Variants in TSPAN9 observed in about 807,000 individuals in gnomAD.
The protein encoded by TSPAN9 is tetraspanin 9.
In TSPAN9, 16 loss-of-function variants were observed where a neutral mutation model predicts 31.0. The observed-to-expected ratio is 0.52, with a 90% CI of 0.35 to 0.78. The LOEUF (loss-of-function observed/expected upper bound fraction) is 0.78. Ranked by LOEUF, TSPAN9 falls within the 30% of genes least tolerant of loss-of-function variation. TSPAN9 has a pLI of 0.01. For synonymous variants in TSPAN9, 145 were observed against 121.6 expected (o/e 1.19, Z -1.27); for missense variants, 272 against 312.5 (o/e 0.87, Z 0.98).
At chr12:3,091,899 C>T (rs1033322429) in intron 2 of TSPAN9, among the ~76,000 whole-genome samples, 2 of 152,136 alleles carry the variant, frequency 1.3e-5, no homozygotes, top group Non-Finnish European at 2.9e-5. Context: ...ACTGCAGCAC[C>T]CTTGGGAGCT....
At chr12:3,160,075 C>T (rs1565597239) in intron 2 of TSPAN9, among the ~76,000 whole-genome samples, 1 of 152,220 alleles carries the variant, frequency 6.6e-6, no homozygotes, top group Admixed American at 6.5e-5. Context: ...GGAAGCCATT[C>T]TCTATATCCT....
chr12:3,225,925 C>T (rs531650095), intron 3 of TSPAN9, among the ~76,000 whole-genome samples: 1 of 152,208 alleles, frequency 6.6e-6, no homozygotes, highest in South Asian at 2.1e-4. Context: ...ACACATTCTA[C>T]CTGCTGGGCC....
chr12:3,188,458 C>G (rs1020895260), intron 2 of TSPAN9, among the ~76,000 whole-genome samples: 1 of 152,076 alleles, frequency 6.6e-6, no homozygotes, highest in South Asian at 2.1e-4. Flanking sequence ...AGTCAGGTAC[C>G]CGGGCCTGGG....
intron 3 of TSPAN9, among the ~76,000 whole-genome samples, chr12:3,215,584 G>T (rs188993807): frequency 6.6e-6 from 1 of 152,354 alleles, no homozygotes; most frequent in East Asian, 1.9e-4. Context: ...GCTGTGCAAT[G>T]ATTTGTTCCC....
chr12:3,179,104 A>G (rs2098357438), intron 2 of TSPAN9, among the ~76,000 whole-genome samples: 1 of 152,142 alleles, frequency 6.6e-6, no homozygotes, highest in African/African-American at 2.4e-5. Context: ...GACAGGAACT[A>G]TCAGGAGCTG....
intron 2 of TSPAN9, among the ~76,000 whole-genome samples, chr12:3,137,723 C>T (rs1444212970): frequency 6.6e-6 from 1 of 152,160 alleles, no homozygotes; most frequent in East Asian, 1.9e-4. Flanking sequence ...GATTCCTTTC[C>T]TCTTGGCCTC....
chr12:3,261,868 G>A (rs1291714374), intron 3 of TSPAN9, among the ~76,000 whole-genome samples: 2 of 152,230 alleles, frequency 1.3e-5, no homozygotes, highest in South Asian at 4.1e-4. Context: ...ACCTGACGCA[G>A]CCTTGCCCTT....
At chr12:3,236,863 C>G (rs1443516270) in intron 3 of TSPAN9, among the ~76,000 whole-genome samples, 1 of 152,168 alleles carries the variant, frequency 6.6e-6, no homozygotes, top group African/African-American at 2.4e-5. Context: ...CAGATCCTGT[C>G]ATCACTGGGC....
intron 3 of TSPAN9, among the ~76,000 whole-genome samples, chr12:3,275,272 G>A (rs1477991055): frequency 6.6e-6 from 1 of 152,200 alleles, no homozygotes; most frequent in Non-Finnish European, 1.5e-5. Flanking sequence ...GTGGGAAACC[G>A]CTTCAGGAGA....
chr12:3,116,775 A>C (rs1012887127), intron 2 of TSPAN9, among the ~76,000 whole-genome samples: 1 of 152,150 alleles, frequency 6.6e-6, no homozygotes, highest in Non-Finnish European at 1.5e-5. Flanking sequence ...TGTCGTCCGC[A>C]TGACAACCTG....
At chr12:3,227,538 G>T (rs1348357214) in intron 3 of TSPAN9, among the ~76,000 whole-genome samples, 1 of 152,180 alleles carries the variant, frequency 6.6e-6, no homozygotes, top group African/African-American at 2.4e-5. Context: ...AGAGTGGCAA[G>T]TTAATGCTTC....
chr12:3,144,600 C>T lies in TSPAN9; in HGVS notation c.-17-56577C>T, dbSNP rs147913810. Among the ~76,000 whole-genome samples, 50 of 152,326 alleles carry T rather than the reference C, an allele frequency of 3.3e-4. No individual in the cohort carries two copies. The East Asian group carries it at 8.9e-3, about 27-fold the overall frequency. On this transcript the variant is annotated intron_variant, in intron 2 of 8. Coordinates refer to ENST00000011898, the MANE Select transcript of TSPAN9 (RefSeq NM_006675.5). The stretch of plus-strand genomic sequence containing the variant: ...ATTCTGCACTTCCAGCCCCCAGAAC[C>T]GCGAGACCGTAAATCCCTACTGTTG...
intron 5 of TSPAN9, 47 bp downstream of exon 5, chr12:3,279,113 T>A (rs780175725): frequency 6.4e-7 from 1 of 1,570,914 alleles, no homozygotes; most frequent in Non-Finnish European, 8.8e-7. Context: ...TCACTGCCCT[T>A]AGAGTTGGGC....
At chr12:3,254,724 G>A (rs1862313216) in intron 3 of TSPAN9, among the ~76,000 whole-genome samples, 1 of 152,198 alleles carries the variant, frequency 6.6e-6, no homozygotes, top group African/African-American at 2.4e-5. Context: ...ATAGAAAATG[G>A]TTTGCACATG....
intron 3 of TSPAN9, among the ~76,000 whole-genome samples, chr12:3,220,966 T>C (rs1473040059): frequency 6.6e-6 from 1 of 152,186 alleles, no homozygotes; most frequent in Non-Finnish European, 1.5e-5. Context: ...CAGAGAGATA[T>C]TTCCAGTCTC....
At chr12:3,169,021 A>C (rs2098350251) in intron 2 of TSPAN9, among the ~76,000 whole-genome samples, 1 of 151,862 alleles carries the variant, frequency 6.6e-6, no homozygotes, top group Non-Finnish European at 1.5e-5. Context: ...CTCATTCCAG[A>C]CCCCCTGGCA....
chr12:3,255,412 G>A (rs1862327474), intron 3 of TSPAN9, among the ~76,000 whole-genome samples: 2 of 152,186 alleles, frequency 1.3e-5, no homozygotes, highest in Non-Finnish European at 2.9e-5. Context: ...CAGCGATCAG[G>A]GCAACTGAAA....
intron 2 of TSPAN9, among the ~76,000 whole-genome samples, chr12:3,162,517 G>A (rs1380680302): frequency 6.6e-6 from 1 of 152,076 alleles, no homozygotes; most frequent in Non-Finnish European, 1.5e-5. Context: ...ACCTGGAGAG[G>A]TATTTGAGGG....
intron 3 of TSPAN9, among the ~76,000 whole-genome samples, chr12:3,234,779 A>G (rs2098392442): frequency 6.6e-6 from 1 of 152,112 alleles, no homozygotes; most frequent in Non-Finnish European, 1.5e-5. Context: ...GAAAAATATC[A>G]TCTCAGTATC....
Sources: allele counts gnomAD v4.1 joint callset (sites outside exome capture counted in the v4.1 genomes callset), GRCh38; gene constraint gnomAD v4.1.1; transcripts MANE v1.5; gene names NCBI Gene and HGNC (gene_info 2026-07-23, HGNC 2026-07-21).